Variants in ATP10A observed in about 807,000 individuals in gnomAD.
The protein encoded by ATP10A is phospholipid-transporting ATPase VA.
ATP10A carries 111 observed loss-of-function variants against 147.8 expected under a neutral mutation model. The observed-to-expected ratio is 0.75, with a 90% CI of 0.64 to 0.88. The LOEUF is 0.88. ATP10A is among the 40% of genes least tolerant of loss of function. The pLI is 0.00. For missense variants in ATP10A, 1,927 were observed against 1,959.0 expected (o/e 0.98, Z 0.31); for synonymous variants, 875 against 841.6 (o/e 1.04, Z -0.69).
chr15:25,844,760 C>A (rs1158852343), intron 1 of ATP10A, among the ~76,000 whole-genome samples: 1 of 152,176 alleles, frequency 6.6e-6, no homozygotes, highest in Non-Finnish European at 1.5e-5. Context: ...AAACAGCCAG[C>A]ACTTGTGGAC....
At position 25,780,339 on chromosome 15, in the gene ATP10A, G is replaced by A. The variant is rs193126864; in HGVS notation, c.654+680C>T. Among the ~76,000 whole-genome samples, 550 of 152,358 alleles carry A rather than the reference G, an allele frequency of 3.6e-3. 6 individuals are homozygous for A. The highest frequency in any genetic ancestry group is 0.012 in the African/African-American group (515 of 41,586). On this transcript the variant is annotated intron_variant, in intron 2 of 20. Coordinates refer to ENST00000555815, the MANE Select transcript of ATP10A (RefSeq NM_024490.4). ...AAGGAGGCTTGGGAGGAGAAGGCTCGGGCCAGGCCCATTTCCTTGTAGGGT... is the reference window on the plus strand; with the variant it reads ...AAGGAGGCTTGGGAGGAGAAGGCTCAGGCCAGGCCCATTTCCTTGTAGGGT...
Position 25,718,202 on chromosome 15 carries a change from T to C in ATP10A, c.1561A>G (p.Thr521Ala). ...CTCACCATGGGGCTGCTGAAGGCCG[T>C]GTGCTTGGACAGCATGCTGGCCCTC... ...AKRASMLSKH[T>A]AFSSPMEKDI... The change falls in exon 8 of 21, where the codon ACG becomes GCG. Residue 521 changes from threonine (T) to alanine (A), a missense_variant. Physicochemically the swap from Thr to Ala is moderately conservative, Grantham distance 58 (BLOSUM62 0). Coordinates refer to ENST00000555815, the MANE Select transcript of ATP10A (RefSeq NM_024490.4). 6.2e-7 allele frequency: 1 copy of C among 1,612,956 alleles called. No individual in the cohort carries two copies. The highest frequency in any genetic ancestry group is 8.5e-7 in the Non-Finnish European group (1 of 1,179,934).
At position 25,761,182 on chromosome 15, in the gene ATP10A, A is replaced by G. The variant is rs547516947; in HGVS notation, c.654+19837T>C. On this transcript the variant is annotated intron_variant, in intron 2 of 20. Transcript: ENST00000555815. ...GAGAAAAAAGTCAGACGAAAAAAGG[A>G]CACACTGTATTATTCCATTTCTATC... is the stretch of plus-strand genomic sequence containing the variant. Among the ~76,000 whole-genome samples, 60 of 152,354 alleles carry G rather than the reference A, an allele frequency of 3.9e-4. 1 individual carries two copies. The South Asian group carries it at 0.012, about 29-fold the overall frequency.
In ATP10A at chr15:25,683,378, G is replaced by T; in HGVS notation, c.3400C>A (p.Pro1134Thr). 1 of 1,614,140 alleles carries T rather than the reference G, an allele frequency of 6.2e-7. No homozygotes were observed. The highest frequency in any genetic ancestry group is 8.5e-7 in the Non-Finnish European group (1 of 1,180,006). ...IFFNLLFSSL[P>T]PLVTGVLDRD... ...TCCAGCACCCCAGTCACGAGCGGGG[G>T]AAGTGACGAGAAGAGCAGATTAAAG... Residue 1134 changes from proline to threonine, a missense_variant, in exon 17 of 21, where the codon CCC becomes ACC. Pro to Thr is a conservative substitution (Grantham distance 38). Coordinates refer to ENST00000555815, the MANE Select transcript of ATP10A (RefSeq NM_024490.4).
intron 1 of ATP10A, among the ~76,000 whole-genome samples, chr15:25,819,454 A>G (rs558540591): frequency 6.6e-6 from 1 of 152,298 alleles, no homozygotes; most frequent in African/African-American, 2.4e-5. Context: ...GAGAAAAGGG[A>G]ACGCTTAAAC....
intron 1 of ATP10A, among the ~76,000 whole-genome samples, chr15:25,781,813 G>A (rs1889940320): frequency 6.6e-6 from 1 of 152,214 alleles, no homozygotes; most frequent in Admixed American, 6.5e-5. Flanking sequence ...CAAGGGCTGG[G>A]GGAAAAGGGA....
chr15:25,779,743 A>T (rs934798208), intron 2 of ATP10A, among the ~76,000 whole-genome samples: 2 of 152,214 alleles, frequency 1.3e-5, no homozygotes, highest in African/African-American at 4.8e-5. Flanking sequence ...CTCCATTAAC[A>T]ACAACAAAAA....
intron 10 of ATP10A, chr15:25,710,482 C>A (rs1307596486): frequency 2.0e-5 from 3 of 152,158 alleles, no homozygotes; most frequent in African/African-American, 7.2e-5. Flanking sequence ...GATGTTCCCA[C>A]CAGGAGACAG....
chr15:25,708,448 A>G (rs1374279319), intron 10 of ATP10A, 148 bp from the exon 11 acceptor site: 2 of 644,012 alleles, frequency 3.1e-6, no homozygotes, highest in Admixed American at 3.1e-5. Context: ...ATGAGCTGTT[A>G]TGTTTTAAAA....
intron 2 of ATP10A, among the ~76,000 whole-genome samples, chr15:25,748,767 A>T (rs761873582): frequency 1.1e-4 from 17 of 152,210 alleles, no homozygotes; most frequent in Non-Finnish European, 2.1e-4. Context: ...GAATTAATAC[A>T]TGAGTGACCA....
intron 1 of ATP10A, among the ~76,000 whole-genome samples, chr15:25,860,851 C>G (rs1329990414): frequency 6.6e-6 from 1 of 152,164 alleles, no homozygotes; most frequent in Non-Finnish European, 1.5e-5. Context: ...AGCACTTTGC[C>G]AACTGAAAAT....
intron 10 of ATP10A, chr15:25,710,282 G>T (rs12911751): frequency 0.21 from 32,308 of 152,174 alleles, 3,850 homozygotes; most frequent in Non-Finnish European, 0.26. Context: ...AGTGCTGCCC[G>T]GCGCCCCCTG....
In ATP10A at chr15:25,769,486, CAAAAAAAAAA is replaced by C. The variant is rs58272964; in HGVS notation, c.654+11523_654+11532del. On this transcript the variant is annotated intron_variant, in intron 2 of 20. Coordinates refer to ENST00000555815, the MANE Select transcript of ATP10A (RefSeq NM_024490.4). ...TGGGTGACAGAGGGAGACTCTGTCT[CAAAAAAAAAA>C]AAAAAAAAAAAAAAAAAGACATGCA... Among the ~76,000 whole-genome samples, 7 of 54,770 alleles carry C rather than the reference CAAAAAAAAAA, an allele frequency of 1.3e-4. No individual in the cohort carries two copies. In the South Asian group the frequency reaches 3.3e-3, roughly 26 times the overall value. The allele number at this position is 54,770 out of a possible 152,430, so 35.9% of individuals were successfully genotyped here. A position where few individuals can be genotyped will look rare whatever the true frequency, so the allele number is the denominator to read the frequency against.
chr15:25,726,168 C>G, intron 4 of ATP10A, 86 bp from the exon 5 acceptor site: 2 of 1,502,766 alleles, frequency 1.3e-6, no homozygotes, highest in Non-Finnish European at 1.8e-6. Flanking sequence ...GAATTCCATG[C>G]TGCCATTCAG....
intron 2 of ATP10A, among the ~76,000 whole-genome samples, chr15:25,751,636 C>T (rs991260663): frequency 2.0e-5 from 3 of 152,054 alleles, no homozygotes; most frequent in Non-Finnish European, 4.4e-5. Context: ...CAAAAATACA[C>T]AAGTTTGGTA....
intron 2 of ATP10A, among the ~76,000 whole-genome samples, chr15:25,762,144 C>T (rs1655453730): frequency 6.6e-6 from 1 of 152,108 alleles, no homozygotes; most frequent in African/African-American, 2.4e-5. Flanking sequence ...TTTTGCTCGG[C>T]ACTTCTCCTT....
At chr15:25,722,052 G>C (rs1902272022) in intron 6 of ATP10A, 143 bp from the exon 7 acceptor site, 1 of 907,812 alleles carries the variant, frequency 1.1e-6, no homozygotes, top group South Asian at 1.7e-5. Flanking sequence ...TAAATAGGTT[G>C]GTTTAGAGTC....
At chr15:25,697,155 A>G (rs117397133) in intron 13 of ATP10A, among the ~76,000 whole-genome samples, 1 of 152,338 alleles carries the variant, frequency 6.6e-6, no homozygotes, top group East Asian at 1.9e-4. Context: ...ACCCATAACA[A>G]AGCCTTTGAG....
chr15:25,678,075 T>C (rs1567291936), downstream of ATP10A: 1 of 152,124 alleles, frequency 6.6e-6, no homozygotes, highest in East Asian at 2.0e-4. Flanking sequence ...CAGGTCTGAG[T>C]TGCTGAGTCC....
Sources: gnomAD v4.1 joint callset for allele counts (sites outside exome capture counted in the v4.1 genomes callset) on GRCh38, gnomAD v4.1.1 for gene constraint, MANE v1.5 for transcripts, NCBI Gene and HGNC (gene_info 2026-07-23, HGNC 2026-07-21) for gene names.